ADGRB3: variants seen among roughly 807,000 people sequenced by gnomAD.
ADGRB3 encodes the protein brain-specific angiogenesis inhibitor 3.
In ADGRB3, 37 loss-of-function variants were observed where a neutral mutation model predicts 193.4. The ratio of observed to expected loss-of-function variants is 0.19; its 90% CI spans 0.15 to 0.25. The LOEUF (loss-of-function observed/expected upper bound fraction) is 0.25. Ranked by LOEUF, ADGRB3 falls within the 10% of genes least tolerant of loss-of-function variation. ADGRB3 has a pLI of 1.00. For synonymous variants in ADGRB3, 690 were observed against 644.2 expected, an observed-to-expected ratio of 1.07 and a Z score of -1.08; for missense variants, 1,637 against 1,852.9, an observed-to-expected ratio of 0.88 and a Z score of 2.14.
At chr6:68,766,746 C>T (rs1053650825) in intron 3 of ADGRB3, among the ~76,000 whole-genome samples, 1 of 151,926 alleles carries the variant, frequency 6.6e-6, no homozygotes, top group Non-Finnish European at 1.5e-5. Flanking sequence ...ACTAGTCAAA[C>T]TTGAATAAAC....
chr6:69,284,623 G>GA (rs1767509702), intron 20 of ADGRB3, among the ~76,000 whole-genome samples: 1 of 152,064 alleles, frequency 6.6e-6, no homozygotes, highest in Admixed American at 6.6e-5. Flanking sequence ...AATGCAAATT[G>GA]AAGCAGGACT....
At chr6:69,169,581 A>G (rs560775612) in intron 17 of ADGRB3, among the ~76,000 whole-genome samples, 96 of 150,514 alleles carry the variant, frequency 6.4e-4, no homozygotes, top group Admixed American at 1.3e-3. Context: ...TTAATTATAA[A>G]TTAAATGATA....
At chr6:68,710,292 A>G (rs1246074856) in intron 3 of ADGRB3, among the ~76,000 whole-genome samples, 2 of 152,112 alleles carry the variant, frequency 1.3e-5, no homozygotes, top group Admixed American at 6.6e-5. Flanking sequence ...CTTCCACTCT[A>G]ACTCTGGTGC....
chr6:68,718,108 A>C (rs892820756), intron 3 of ADGRB3, among the ~76,000 whole-genome samples: 1 of 151,778 alleles, frequency 6.6e-6, no homozygotes, highest in Non-Finnish European at 1.5e-5. Context: ...GCCTTTCTTA[A>C]ATGTTTTGCC....
intron 30 of ADGRB3, among the ~76,000 whole-genome samples, chr6:69,374,396 A>G (rs1301017013): frequency 1.3e-5 from 2 of 152,070 alleles, no homozygotes; most frequent in African/African-American, 2.4e-5. Context: ...ATTTGTATCA[A>G]GCTCCCTGAC....
chr6:68,709,529 T>G (rs1765376498), intron 3 of ADGRB3, among the ~76,000 whole-genome samples: 1 of 152,142 alleles, frequency 6.6e-6, no homozygotes, highest in African/African-American at 2.4e-5. Flanking sequence ...GGGGCTTTTC[T>G]TATTAGTTTT....
At chr6:68,911,757 T>C (rs1766717923) in intron 3 of ADGRB3, among the ~76,000 whole-genome samples, 1 of 152,236 alleles carries the variant, frequency 6.6e-6, no homozygotes, top group African/African-American at 2.4e-5. Context: ...ATGATGTCTT[T>C]TCATTTGGAA....
chr6:69,161,922 C>G (rs896886206), intron 17 of ADGRB3, among the ~76,000 whole-genome samples: 1 of 152,046 alleles, frequency 6.6e-6, no homozygotes, highest in Non-Finnish European at 1.5e-5. Flanking sequence ...AGAGATAGCC[C>G]CCAAAGTAAA....
intron 9 of ADGRB3, 26 bp from the exon 10 acceptor site, chr6:68,975,208 T>G: frequency 1.9e-6 from 3 of 1,584,044 alleles, no homozygotes; most frequent in Non-Finnish European, 2.6e-6. Context: ...ATTATAAAGC[T>G]TCTCTCTGTT....
chr6:69,287,326 T>A (rs1767573650), intron 20 of ADGRB3, among the ~76,000 whole-genome samples: 1 of 152,142 alleles, frequency 6.6e-6, no homozygotes, highest in Non-Finnish European at 1.5e-5. Flanking sequence ...TCCAGAGGAA[T>A]TGAGATTTCC....
chr6:68,830,221 GTA>G (rs1767926994), intron 3 of ADGRB3, among the ~76,000 whole-genome samples: 1 of 152,056 alleles, frequency 6.6e-6, no homozygotes, highest in Non-Finnish European at 1.5e-5. Flanking sequence ...ATCTCTGATG[GTA>G]TCAGATCTGG....
intron 17 of ADGRB3, among the ~76,000 whole-genome samples, chr6:69,202,527 C>G (rs908608824): frequency 1.3e-5 from 2 of 152,056 alleles, no homozygotes; most frequent in Non-Finnish European, 2.9e-5. Flanking sequence ...CTATAAACCA[C>G]AACTTGCACC....
chr6:69,388,767 A>G lies in ADGRB3; in HGVS notation c.4445A>G (p.Tyr1482Cys), dbSNP rs536668492. ...AAAAACCCCAGTGAATACCCGCATT[A>G]CACCACAATCAATGTCTTAGACACA... ...TFKNPSEYPH[Y>C]TTINVLDTEA... Residue 1482 changes from tyrosine (Y) to cysteine (C), a missense_variant, in exon 32 of 32, where the codon TAC becomes TGC. Coordinates refer to ENST00000370598, the MANE Select transcript of ADGRB3 (RefSeq NM_001704.3). The G allele has an allele frequency of 1.1e-5, 17 of 1,613,552 alleles. No homozygotes were observed. In the South Asian group the frequency reaches 1.6e-4, roughly 16 times the overall value.
intron 3 of ADGRB3, among the ~76,000 whole-genome samples, chr6:68,915,894 A>G (rs1253554842): frequency 8.5e-5 from 13 of 152,176 alleles, no homozygotes; most frequent in Non-Finnish European, 2.9e-5. Flanking sequence ...GAAGTTGTGG[A>G]AGGACTTTTA....
At chr6:69,356,539 A>C (rs1406141397) in intron 28 of ADGRB3, among the ~76,000 whole-genome samples, 1 of 152,080 alleles carries the variant, frequency 6.6e-6, no homozygotes, top group Non-Finnish European at 1.5e-5. Flanking sequence ...AAATGAGAGA[A>C]AAACTAAGAA....
chr6:69,241,907 A>G (rs1766392428), intron 20 of ADGRB3, among the ~76,000 whole-genome samples: 1 of 151,924 alleles, frequency 6.6e-6, no homozygotes, highest in African/African-American at 2.4e-5. Flanking sequence ...TTCTTATGCT[A>G]TATTAATTTT....
chr6:69,274,411 G>C (rs1457837488), intron 20 of ADGRB3, among the ~76,000 whole-genome samples: 1 of 149,116 alleles, frequency 6.7e-6, no homozygotes, highest in Non-Finnish European at 1.5e-5. Flanking sequence ...AATTTGTACT[G>C]AGAAAAAGGT....
intron 15 of ADGRB3, 65 bp from the exon 16 acceptor site, chr6:69,062,869 G>C: frequency 8.7e-7 from 1 of 1,148,072 alleles, no homozygotes; most frequent in Non-Finnish European, 1.3e-6. Context: ...AAAATGTATT[G>C]AGCAGTAGGA....
chr6:69,114,470 C>G (rs1297160602), intron 17 of ADGRB3, among the ~76,000 whole-genome samples: 3 of 152,110 alleles, frequency 2.0e-5, no homozygotes, highest in African/African-American at 4.8e-5. Flanking sequence ...CCTGTTCACT[C>G]TGATGATAGT....
Sources: allele counts gnomAD v4.1 joint callset (sites outside exome capture counted in the v4.1 genomes callset), GRCh38; gene constraint gnomAD v4.1.1; transcripts MANE v1.5; gene names NCBI Gene and HGNC (gene_info 2026-07-23, HGNC 2026-07-21).